Variants in ESRP1 observed in about 807,000 individuals in gnomAD.
The protein encoded by ESRP1 is epithelial splicing regulatory protein 1.
Under a neutral mutation model 81.7 loss-of-function variants are expected in ESRP1, and 33 were observed. The observed-to-expected ratio is 0.40, with a 90% CI of 0.31 to 0.54. The LOEUF (loss-of-function observed/expected upper bound fraction) is 0.54. ESRP1 is among the 20% of genes least tolerant of loss of function. The pLI is 0.41. For synonymous variants in ESRP1, 320 were observed against 303.3 expected, an observed-to-expected ratio of 1.06 and a Z score of -0.57; for missense variants, 672 against 833.1, an observed-to-expected ratio of 0.81 and a Z score of 2.38.
intron 13 of ESRP1, among the ~76,000 whole-genome samples, chr8:94,683,908 C>A (rs1470144612): frequency 6.6e-6 from 1 of 152,164 alleles, no homozygotes; most frequent in South Asian, 2.1e-4. Flanking sequence ...ACTTCAATGG[C>A]GCGATCTCAG....
chr8:94,649,811 C>G (rs1818026726), intron 4 of ESRP1, among the ~76,000 whole-genome samples: 2 of 152,150 alleles, frequency 1.3e-5, no homozygotes, highest in African/African-American at 4.8e-5. Context: ...CTGCACCCGA[C>G]CCCAACTTTA....
At chr8:94,704,227 C>T (rs1402516713) in intron 15 of ESRP1, among the ~76,000 whole-genome samples, 1 of 135,278 alleles carries the variant, frequency 7.4e-6, no homozygotes, top group African/African-American at 2.9e-5. Context: ...CATTGTTAAG[C>T]AGTAAAACTC....
rs375252264 is a variant in ESRP1 at position 94,663,501 on chromosome 8, A to G, written c.644+946A>G. Among the ~76,000 whole-genome samples, 3 of 152,022 alleles carry G rather than the reference A, an allele frequency of 2.0e-5. No homozygotes were observed. The East Asian group carries it at 5.8e-4, about 30-fold the overall frequency. On this transcript the variant is annotated intron_variant, in intron 6 of 15. Transcript: ENST00000433389. The stretch of plus-strand genomic sequence containing the variant: ...CCTCATGTGATCTACCCACCTTGAC[A>G]TCCCAAAGTGCTGGGATTACAGGTG...
chr8:94,666,439 C>G (rs1819019708), intron 9 of ESRP1, among the ~76,000 whole-genome samples: 2 of 152,314 alleles, frequency 1.3e-5, no homozygotes, highest in East Asian at 3.9e-4. Flanking sequence ...ATTTTAAAAT[C>G]TCTGTATGCG....
intron 4 of ESRP1, among the ~76,000 whole-genome samples, chr8:94,649,041 C>T (rs964166744): frequency 3.3e-5 from 5 of 152,092 alleles, no homozygotes; most frequent in African/African-American, 1.2e-4. Flanking sequence ...GCCAACATGG[C>T]GAAACCCCGT....
In ESRP1 at chr8:94,662,322, G is replaced by GT. The variant is rs772343882; in HGVS notation, c.543dup (p.Glu182Ter). On this transcript the variant is annotated frameshift_variant, in exon 5 of 16. Coordinates refer to ENST00000433389, the MANE Select transcript of ESRP1 (RefSeq NM_017697.4). LOFTEE classifies it high-confidence loss of function. ...AGTCTCTCGATATGGAGCCTCTCAA[G>GT]TTGAAGATATGGGGAATATAATTTT... 6.3e-7 allele frequency: 1 copy of GT among 1,585,930 alleles called. No homozygotes were observed. The highest frequency in any genetic ancestry group is 1.2e-5 in the South Asian group (1 of 86,576).
intron 12 of ESRP1, among the ~76,000 whole-genome samples, chr8:94,676,709 AG>A (rs1436436363): frequency 3.3e-5 from 5 of 151,774 alleles, no homozygotes; most frequent in Non-Finnish European, 4.4e-5. Flanking sequence ...CATGTTGGCC[AG>A]GATGGTCTGG....
intron 6 of ESRP1, 55 bp downstream of exon 6, chr8:94,662,610 CTGTT>C (rs1262418010): frequency 1.9e-5 from 23 of 1,186,070 alleles, no homozygotes; most frequent in African/African-American, 5.0e-5. Context: ...TTTTTTTTGT[CTGTT>C]TGTTTGTTTT....
chr8:94,676,499 T>C (rs549697078), intron 12 of ESRP1, among the ~76,000 whole-genome samples: 6 of 152,092 alleles, frequency 3.9e-5, no homozygotes, highest in Non-Finnish European at 8.8e-5. Flanking sequence ...GTGTGGTTTT[T>C]TTTTGTTTTG....
intron 4 of ESRP1, among the ~76,000 whole-genome samples, chr8:94,650,956 T>C (rs1300598937): frequency 1.3e-5 from 2 of 152,184 alleles, no homozygotes; most frequent in African/African-American, 4.8e-5. Context: ...CCGCCCGCCT[T>C]GGCCTCTTAA....
chr8:94,683,926 C>T (rs1304122949), intron 13 of ESRP1, among the ~76,000 whole-genome samples: 2 of 152,212 alleles, frequency 1.3e-5, no homozygotes, highest in African/African-American at 4.8e-5. Flanking sequence ...CAGCTCACCA[C>T]AACCTCCGCC....
chr8:94,683,909 G>T (rs538053277), intron 13 of ESRP1, among the ~76,000 whole-genome samples: 1 of 152,108 alleles, frequency 6.6e-6, no homozygotes, highest in African/African-American at 2.4e-5. Context: ...CTTCAATGGC[G>T]CGATCTCAGC....
chr8:94,674,238 T>G (rs1819480272), intron 11 of ESRP1, 70 bp from the exon 12 acceptor site: 2 of 1,527,480 alleles, frequency 1.3e-6, no homozygotes, highest in East Asian at 2.2e-5. Context: ...TTTGCATGTT[T>G]TGTAAGCAAC....
At chr8:94,666,266 A>G (rs1001539879) in intron 9 of ESRP1, among the ~76,000 whole-genome samples, 5 of 152,224 alleles carry the variant, frequency 3.3e-5, no homozygotes, top group African/African-American at 4.8e-5. Flanking sequence ...TGTGCCTGTA[A>G]TTCCAGCTAC....
intron 12 of ESRP1, among the ~76,000 whole-genome samples, chr8:94,676,691 G>A (rs1035920257): frequency 6.6e-6 from 1 of 151,412 alleles, no homozygotes; most frequent in African/African-American, 2.4e-5. Flanking sequence ...GTAGAGATGG[G>A]GTCTCACCAT....
chr8:94,695,730 T>A (rs189085085), intron 14 of ESRP1, among the ~76,000 whole-genome samples: 37 of 146,290 alleles, frequency 2.5e-4, no homozygotes, highest in African/African-American at 1.0e-3. Context: ...ATAATTTTTT[T>A]ATGTATTTTC....
At chr8:94,662,242 C>A in intron 4 of ESRP1, 30 bp from the exon 5 acceptor site, 1 of 1,403,596 alleles carries the variant, frequency 7.1e-7, no homozygotes, top group Non-Finnish European at 9.8e-7. Flanking sequence ...TTTTACCTTT[C>A]CAAAGTGTTT....
chr8:94,665,189 T>C lies in ESRP1; in HGVS notation c.924T>C (p.Ile308=). The change falls in exon 9 of 16, where the codon ATT becomes ATC. Residue 308 remains isoleucine (I), a synonymous_variant. Coordinates refer to ENST00000433389, the MANE Select transcript of ESRP1 (RefSeq NM_017697.4). ...CAACAGGTGAAGATTTCCTTAAAAT[T>C]GCTGGTGGTAAGTGCCTTTTACATA... The part of the protein sequence containing the change: ...YKATGEDFLK[I]AGGTSNEVAQ... The C allele has an allele frequency of 6.2e-7, 1 of 1,612,900 alleles. No individual in the cohort carries two copies. The highest frequency in any genetic ancestry group is 1.1e-5 in the South Asian group (1 of 90,696).
At chr8:94,675,206 G>A (rs1210200071) in intron 12 of ESRP1, among the ~76,000 whole-genome samples, 1 of 152,114 alleles carries the variant, frequency 6.6e-6, no homozygotes, top group Non-Finnish European at 1.5e-5. Flanking sequence ...GAACATATGG[G>A]GATCTGATGT....
Sources: gnomAD v4.1 joint callset for allele counts (sites outside exome capture counted in the v4.1 genomes callset) on GRCh38, gnomAD v4.1.1 for gene constraint, MANE v1.5 for transcripts, NCBI Gene and HGNC (gene_info 2026-07-23, HGNC 2026-07-21) for gene names.